Variants in EIF4G2 observed in about 807,000 individuals in gnomAD.
The protein encoded by EIF4G2 is eukaryotic translation initiation factor 4 gamma 2, also known as DAP-5.
A neutral mutation model predicts 117.7 loss-of-function variants in EIF4G2; 8 were observed. The observed-to-expected ratio is 0.07, with a 90% CI of 0.04 to 0.12. The LOEUF is 0.12. Ranked by LOEUF, EIF4G2 falls within the 10% of genes least tolerant of loss-of-function variation. EIF4G2 has a pLI of 1.00. For missense variants in EIF4G2, 812 were observed against 1,086.2 expected (o/e 0.75, Z 3.55); for synonymous variants, 413 against 367.8 (o/e 1.12, Z -1.41).
intron 15 of EIF4G2, 36 bp downstream of exon 15, chr11:10,800,926 T>C: frequency 3.7e-6 from 6 of 1,612,712 alleles, no homozygotes; most frequent in Non-Finnish European, 5.1e-6. Flanking sequence ...AGTCTTCAGA[T>C]ATCTTTAGAA....
Position 10,804,219 on chromosome 11 carries a change from T to A in EIF4G2, c.484-16A>T. The A allele has an allele frequency of 6.2e-7, 1 of 1,613,490 alleles. No homozygotes were observed. On this transcript the variant is annotated splice_polypyrimidine_tract_variant and intron_variant, in intron 6 of 21. Coordinates refer to ENST00000339995, the MANE Select transcript of EIF4G2 (RefSeq NM_001418.4). ...GTCTGAATGTCTGGAAAAGAAGACA[T>A]TGTCATGCTTTATTAAGGAAATTTT...
chr11:10,808,301 G>C, intron 1 of EIF4G2: 1 of 1,215,334 alleles, frequency 8.2e-7, no homozygotes. Context: ...GCCAGGCTCC[G>C]GGACGCCTGC....
chr11:10,804,725 T>C (rs983436115), intron 5 of EIF4G2, 188 bp downstream of exon 5: 1 of 612,208 alleles, frequency 1.6e-6, no homozygotes, highest in Non-Finnish European at 2.8e-6. Context: ...GAACTTAACA[T>C]TTACCTCTTC....
chr11:10,802,199 A>G lies in EIF4G2; in HGVS notation c.1149T>C (p.Ile383=). 6.2e-7 allele frequency: 1 copy of G among 1,614,074 alleles called. No homozygotes were observed. The highest frequency in any genetic ancestry group is 8.5e-7 in the Non-Finnish European group (1 of 1,180,004). ...CCTGGATAACTCCTGGACCAGTACC[A>G]ATTCCGCTACCTTAAAATACATATA... Residue 383 remains isoleucine (I), a synonymous_variant, in exon 13 of 22, where the codon ATT becomes ATC. Coordinates refer to ENST00000339995, the MANE Select transcript of EIF4G2 (RefSeq NM_001418.4).
intron 5 of EIF4G2, chr11:10,804,698 C>T (rs1287970622): frequency 8.4e-6 from 5 of 597,130 alleles, no homozygotes; most frequent in Non-Finnish European, 1.2e-5. Context: ...TCCCATTTAC[C>T]TCTTCAACCA....
rs745490693 is a variant in EIF4G2 at position 10,801,654 on chromosome 11, A to C, written c.1413+7T>G. 7 of 1,607,034 alleles carry C rather than the reference A, an allele frequency of 4.4e-6. No individual in the cohort carries two copies. The highest frequency in any genetic ancestry group is 4.3e-6 in the Non-Finnish European group (5 of 1,173,686). On this transcript the variant is annotated splice_region_variant and intron_variant, in intron 14 of 21. Transcript: ENST00000339995. ...CTATGGTATATAAGTAACATAGGCA[A>C]ATGTACCTCATCTGCATTAAGCTGT...
chr11:10,808,614 GGCC>G (rs1847666879), intron 1 of EIF4G2, 88 bp downstream of exon 1: 1 of 645,794 alleles, frequency 1.5e-6, no homozygotes, highest in South Asian at 2.3e-5. Context: ...CTCCGCCTGC[GGCC>G]GCCATTTTGT....
intron 4 of EIF4G2, among the ~76,000 whole-genome samples, chr11:10,805,446 G>A (rs1000984859): frequency 2.6e-4 from 36 of 139,920 alleles, no homozygotes; most frequent in South Asian, 7.9e-4. Context: ...CTGTTCTTCA[G>A]TTCAAGATAC....
At chr11:10,806,990 G>T in intron 2 of EIF4G2, 105 bp from the exon 3 acceptor site, 1 of 1,372,854 alleles carries the variant, frequency 7.3e-7, no homozygotes, top group Non-Finnish European at 1.0e-6. Context: ...TGGGGGTCTC[G>T]CTATTTTGCC....
chr11:10,803,001 G>A lies in EIF4G2; in HGVS notation c.996+29C>T. 6.3e-7 allele frequency: 1 copy of A among 1,596,130 alleles called. No individual in the cohort carries two copies. Among genetic ancestry groups the A allele is most frequent in the Non-Finnish European group, 8.6e-7 (1 of 1,168,366 alleles). ...TCTATTCTACACACACAGAGTCTAT[G>A]TGACAAACAAAACAAAACCCAATCT... On this transcript the variant is annotated intron_variant, in intron 11 of 21. Transcript: ENST00000339995. This position sits in a 1 kb window ranked among gnomAD's most constrained non-coding sequence, Gnocchi z 4.0.
intron 11 of EIF4G2, 142 bp downstream of exon 11, chr11:10,802,888 G>GGAA: frequency 1.4e-6 from 1 of 690,736 alleles, no homozygotes. Flanking sequence ...AAATAAAAGT[G>GGAA]GAAGACGAGA....
chr11:10,801,058 T>C lies in EIF4G2; in HGVS notation c.1443A>G (p.Leu481=), dbSNP rs372779966. The change falls in exon 15 of 22, where the codon CTA becomes CTG. Residue 481 remains leucine, a synonymous_variant. Transcript: ENST00000339995. ...GCTTTGGCACTTGATTTTTATTCAT[T>C]AGGAACGACTGAGCAGGCCTCAGGC... The C allele has an allele frequency of 3.1e-6, 5 of 1,614,016 alleles. No homozygotes were observed. In the African/African-American group the frequency reaches 5.3e-5, roughly 17 times the overall value.
At position 10,801,537 on chromosome 11, in the gene EIF4G2, A is replaced by G. The variant is rs887551259; in HGVS notation, c.1413+124T>C. ...CAAAGAAAGAAAAAGAAGTATAGAA[A>G]AGAGAGAAAAACGTCAAGAACTCCA... is the stretch of plus-strand genomic sequence containing the variant. On this transcript the variant is annotated intron_variant, in intron 14 of 21. Transcript: ENST00000339995. 2.7e-5 allele frequency: 25 copies of G among 919,890 alleles called. No homozygotes were observed. In the East Asian group the frequency reaches 4.1e-4, roughly 15 times the overall value. 57.0% of individuals were successfully genotyped at this position (919,890 alleles called of 1,614,324 possible). A position where few individuals can be genotyped will look rare whatever the true frequency, so the allele number is the denominator to read the frequency against.
chr11:10,799,116 TA>T lies in EIF4G2; in HGVS notation c.2537-4del, dbSNP rs372541323. ...CACAAAAAAGCGAAGTAACATGCCT[TA>T]AAAAAAAAAAAAAAAAGAAAAAAGT... On this transcript the variant is annotated splice_polypyrimidine_tract_variant and splice_region_variant and intron_variant, in intron 20 of 21. Coordinates refer to ENST00000339995, the MANE Select transcript of EIF4G2 (RefSeq NM_001418.4). 0.089 allele frequency: 126,549 copies of T among 1,427,172 alleles called. 537 individuals are homozygous for T. The highest frequency in any genetic ancestry group is 0.15 in the African/African-American group (10,119 of 66,172). The allele number at this position is 1,427,172 out of a possible 1,614,324, so 88.4% of individuals were successfully genotyped here.
Position 10,800,304 on chromosome 11 carries a change from G to A in EIF4G2, c.1905C>T (p.Asp635=), listed in dbSNP as rs776935571. The change falls in exon 18 of 22, where the codon GAC becomes GAT. Residue 635 remains aspartate (D), a synonymous_variant. Coordinates refer to ENST00000339995, the MANE Select transcript of EIF4G2 (RefSeq NM_001418.4). ...CTAAATAGGATTTCACCAAAGGGAT[G>A]TCAACCTCCAGTTTGGGACACTGGT... The A allele has an allele frequency of 1.9e-6, 3 of 1,614,176 alleles. No individual in the cohort carries two copies. The highest frequency in any genetic ancestry group is 2.2e-5 in the South Asian group (2 of 91,076).
chr11:10,803,762 C>T lies in EIF4G2; in HGVS notation c.702+137G>A, dbSNP rs1223199470. 33 of 1,235,722 alleles carry T rather than the reference C, an allele frequency of 2.7e-5. No homozygotes were observed. The highest frequency in any genetic ancestry group is 3.3e-5 in the Non-Finnish European group (29 of 883,336). The allele number at this position is 1,235,722 out of a possible 1,614,324, so 76.5% of individuals were successfully genotyped here. On this transcript the variant is annotated intron_variant, in intron 8 of 21. Transcript: ENST00000339995. The surrounding 1 kb of genome is among the most constrained non-coding windows in gnomAD (Gnocchi z 4.0). Reference sequence around the variant, plus strand: ...TAACTCTACTTTGTCAAACACACCACGTATTTCAAATTATTCTGTTTAGTA... The same window carrying T: ...TAACTCTACTTTGTCAAACACACCATGTATTTCAAATTATTCTGTTTAGTA...
In EIF4G2 at chr11:10,800,340, C is replaced by G; in HGVS notation, c.1869G>C (p.Leu623=). 6.2e-7 allele frequency: 1 copy of G among 1,613,604 alleles called. No homozygotes were observed. Among genetic ancestry groups the G allele is most frequent in the Non-Finnish European group, 8.5e-7 (1 of 1,179,556 alleles). The change falls in exon 18 of 22, where the codon CTG becomes CTC. Residue 623 remains leucine, a synonymous_variant. Coordinates refer to ENST00000339995, the MANE Select transcript of EIF4G2 (RefSeq NM_001418.4). ...GTTTGGGACACTGGTCCAATACATT[C>G]AGGAAAGCCTTGAAAGAAATATACA...
rs1847299420 is a variant in EIF4G2 at position 10,797,776 on chromosome 11, A to C, written c.*40T>G. The stretch of plus-strand genomic sequence containing the variant: ...AGGTCAAATGCAGTTACATCATAGC[A>C]ACAGTATGTTTTGCACAATTTAAGG... On this transcript the variant is annotated 3_prime_UTR_variant, in exon 22 of 22. Transcript: ENST00000339995. The surrounding 1 kb of genome is among the most constrained non-coding windows in gnomAD (Gnocchi z 4.5). The C allele has an allele frequency of 1.2e-6, 2 of 1,602,592 alleles. No individual in the cohort carries two copies. Among genetic ancestry groups the C allele is most frequent in the Admixed American group, 1.7e-5 (1 of 59,684 alleles).
At position 10,801,276 on chromosome 11, in the gene EIF4G2, G is replaced by T. The variant is rs1847408490; in HGVS notation, c.1414-189C>A. 7.5e-6 allele frequency: 5 copies of T among 666,908 alleles called. No homozygotes were observed. The South Asian group carries it at 7.9e-5, about 11-fold the overall frequency. 41.3% of individuals were successfully genotyped at this position (666,908 alleles called of 1,614,324 possible). A position where few individuals can be genotyped will look rare whatever the true frequency, so the allele number is the denominator to read the frequency against. ...AAAATTTAAAGATCTGATGCATACA[G>T]TAGTAAGATACTATTATAAATCTTA... On this transcript the variant is annotated intron_variant, in intron 14 of 21. Coordinates refer to ENST00000339995, the MANE Select transcript of EIF4G2 (RefSeq NM_001418.4).
Sources: allele counts gnomAD v4.1 joint callset (sites outside exome capture counted in the v4.1 genomes callset), GRCh38; gene constraint gnomAD v4.1.1; non-coding constraint Gnocchi (gnomAD v3.1); transcripts MANE v1.5; gene names NCBI Gene and HGNC (gene_info 2026-07-23, HGNC 2026-07-21).